Variants in SLC2A9 observed in about 807,000 individuals in gnomAD.
The protein encoded by SLC2A9 is solute carrier family 2 member 9.
Under a neutral mutation model 50.6 loss-of-function variants are expected in SLC2A9, and 39 were observed. The observed-to-expected ratio is 0.77, with a 90% CI of 0.60 to 1.01. The LOEUF (loss-of-function observed/expected upper bound fraction) is 1.01. SLC2A9 is among the 50% of genes least tolerant of loss of function. The pLI, the probability that SLC2A9 is intolerant of heterozygous loss-of-function variation, is 0.00. For missense variants in SLC2A9, 686 were observed against 677.6 expected (o/e 1.01, Z -0.14); for synonymous variants, 324 against 276.9 (o/e 1.17, Z -1.69).
At chr4:9,856,395 C>T (rs916768967) in intron 10 of SLC2A9, among the ~76,000 whole-genome samples, 12 of 152,100 alleles carry the variant, frequency 7.9e-5, no homozygotes, top group Non-Finnish European at 1.8e-4. Flanking sequence ...TAGAGAAATG[C>T]AAATCAAAAC....
chr4:9,932,961 C>T (rs1746411978), intron 6 of SLC2A9, among the ~76,000 whole-genome samples: 1 of 152,206 alleles, frequency 6.6e-6, no homozygotes, highest in South Asian at 2.1e-4. Flanking sequence ...CCTGGTTAGC[C>T]TCAGAGGCTG....
At chr4:9,982,033 C>T (rs1578180994) in intron 4 of SLC2A9, among the ~76,000 whole-genome samples, 1 of 152,180 alleles carries the variant, frequency 6.6e-6, no homozygotes, top group East Asian at 1.9e-4. Flanking sequence ...AGGCATGCGC[C>T]ACCACGCCCA....
At chr4:9,946,276 T>A (rs186195249) in intron 5 of SLC2A9, among the ~76,000 whole-genome samples, 116 of 152,368 alleles carry the variant, frequency 7.6e-4, no homozygotes, top group African/African-American at 2.6e-3. Flanking sequence ...ATCTGCAGGT[T>A]TCCATGTTTT....
intron 1 of SLC2A9, 106 bp from the exon 2 acceptor site, chr4:10,019,179 G>C: frequency 2.2e-6 from 2 of 908,808 alleles, no homozygotes; most frequent in Non-Finnish European, 3.5e-6. Flanking sequence ...CGGAGGAGAA[G>C]TCTTTGTCCT....
chr4:9,775,833 AT>A (rs1717480677), downstream of SLC2A9, among the ~76,000 whole-genome samples: 1 of 152,182 alleles, frequency 6.6e-6, no homozygotes, highest in African/African-American at 2.4e-5. Flanking sequence ...CTTTATAGCA[AT>A]GCAAGGATGG....
chr4:9,878,365 C>T (rs1469608136), intron 10 of SLC2A9, among the ~76,000 whole-genome samples: 3 of 152,018 alleles, frequency 2.0e-5, no homozygotes, highest in Admixed American at 2.0e-4. Flanking sequence ...ATCTTCCAGC[C>T]TCTAAGGAAG....
chr4:9,966,466 G>T (rs1342827938), intron 5 of SLC2A9, among the ~76,000 whole-genome samples: 1 of 152,154 alleles, frequency 6.6e-6, no homozygotes, highest in Non-Finnish European at 1.5e-5. Context: ...GACCAGCCTG[G>T]CCAACATGGT....
At chr4:9,822,655 T>C (rs183525749), downstream of SLC2A9, among the ~76,000 whole-genome samples, 9 of 152,356 alleles carry the variant, frequency 5.9e-5, no homozygotes, top group East Asian at 1.5e-3. Flanking sequence ...TCTTTCAGTG[T>C]TTAAAAAAAT....
At chr4:9,890,851 G>A in intron 8 of SLC2A9, 140 bp from the exon 9 acceptor site, 1 of 731,146 alleles carries the variant, frequency 1.4e-6, no homozygotes, top group Non-Finnish European at 2.4e-6. Flanking sequence ...CCTTCTTTAT[G>A]GCCACAGCCC....
At chr4:9,939,271 G>C (rs1023474859) in intron 6 of SLC2A9, among the ~76,000 whole-genome samples, 3 of 152,106 alleles carry the variant, frequency 2.0e-5, no homozygotes, top group Admixed American at 6.5e-5. Flanking sequence ...AAGATTTTAA[G>C]GTCAAGCCCT....
intron 10 of SLC2A9, among the ~76,000 whole-genome samples, chr4:9,842,118 G>C (rs777440654): frequency 1.3e-5 from 2 of 151,834 alleles, no homozygotes; most frequent in South Asian, 4.2e-4. Flanking sequence ...GGTTTGCTTT[G>C]TTGGTATTGT....
chr4:10,025,379 C>T (rs1463918827), upstream of SLC2A9, among the ~76,000 whole-genome samples: 1 of 152,110 alleles, frequency 6.6e-6, no homozygotes, highest in Admixed American at 6.5e-5. Flanking sequence ...TGTAAAGAGT[C>T]TCTCTTTAAA....
In SLC2A9 at chr4:10,021,399, C is replaced by T. The variant is rs751191206; in HGVS notation, c.31G>A (p.Glu11Lys). ...TCTGTGAGGGGAACTAGGCCCAGTT[C>T]CTTGGAATTCCTATTTTGTTTCCTT... is the stretch of plus-strand genomic sequence containing the variant. MARKQNRNSK[E>K]LGLVPLTDDT... The change falls in exon 1 of 12, where the codon GAA (glutamate) becomes AAA (lysine). Residue 11 changes from glutamate (E) to lysine (K), a missense_variant. By Grantham distance (56) the Glu-to-Lys change is moderately conservative (BLOSUM62 1). Coordinates refer to ENST00000264784, the MANE Select transcript of SLC2A9 (RefSeq NM_020041.3). 11 of 1,614,224 alleles carry T rather than the reference C, an allele frequency of 6.8e-6. No individual in the cohort carries two copies. The South Asian group carries it at 1.2e-4, about 18-fold the overall frequency.
intron 3 of SLC2A9, among the ~76,000 whole-genome samples, chr4:9,784,555 C>G (rs372694375): frequency 6.6e-6 from 1 of 152,096 alleles, no homozygotes; most frequent in Admixed American, 6.5e-5. Flanking sequence ...TAGGGAAATG[C>G]TTTTTAAGTA....
intron 3 of SLC2A9, among the ~76,000 whole-genome samples, chr4:9,807,087 T>C (rs1371162524): frequency 6.6e-6 from 1 of 152,092 alleles, no homozygotes; most frequent in African/African-American, 2.4e-5. Context: ...ATCCCAGATA[T>C]AGTGGCCATC....
At chr4:9,979,992 C>A (rs374353768) in intron 5 of SLC2A9, among the ~76,000 whole-genome samples, 6 of 149,746 alleles carry the variant, frequency 4.0e-5, no homozygotes, top group African/African-American at 7.7e-5. Context: ...TTCTAAAAAG[C>A]CTTCCTTGAG....
At chr4:9,889,658 C>T (rs928956107) in intron 9 of SLC2A9, among the ~76,000 whole-genome samples, 1 of 152,244 alleles carries the variant, frequency 6.6e-6, no homozygotes, top group African/African-American at 2.4e-5. Context: ...CTTCTAGAAA[C>T]ATTTGGGCCA....
intron 6 of SLC2A9, among the ~76,000 whole-genome samples, chr4:9,931,962 C>CTCTCTA (rs1560329576): frequency 1.2e-3 from 17 of 14,572 alleles, no homozygotes; most frequent in Non-Finnish European, 1.7e-3. Context: ...CTCTCTCTCT[C>CTCTCTA]TATATATATA....
At chr4:9,902,857 C>T (rs2109924211) in intron 8 of SLC2A9, among the ~76,000 whole-genome samples, 1 of 152,348 alleles carries the variant, frequency 6.6e-6, no homozygotes, top group East Asian at 1.9e-4. Context: ...GTACTAGGGA[C>T]TTCAACACAT....
Sources: gnomAD v4.1 joint callset for allele counts (sites outside exome capture counted in the v4.1 genomes callset) on GRCh38, gnomAD v4.1.1 for gene constraint, MANE v1.5 for transcripts, NCBI Gene and HGNC (gene_info 2026-07-23, HGNC 2026-07-21) for gene names.